Variants in NFIX observed in about 807,000 individuals in gnomAD.
NFIX encodes the protein nuclear factor 1 X-type.
A neutral mutation model predicts 53.3 loss-of-function variants in NFIX; 2 were observed. That is an observed-to-expected ratio of 0.04 (90% confidence interval 0.02 to 0.12). The LOEUF is 0.12. Ranked by LOEUF, NFIX falls within the 10% of genes least tolerant of loss-of-function variation. The pLI is 1.00. For synonymous variants in NFIX, 244 were observed against 289.0 expected (o/e 0.84, Z 1.58); for missense variants, 310 against 674.5 (o/e 0.46, Z 5.99).
intron 2 of NFIX, among the ~76,000 whole-genome samples, chr19:13,063,922 T>C (rs772108400): frequency 6.6e-6 from 1 of 152,104 alleles, no homozygotes; most frequent in Non-Finnish European, 1.5e-5. Context: ...GGGACACTAT[T>C]AATAGCCCTA....
intron 1 of NFIX, among the ~76,000 whole-genome samples, chr19:13,016,562 T>A (rs2012678949): frequency 6.6e-6 from 1 of 151,468 alleles, no homozygotes; most frequent in Non-Finnish European, 1.5e-5. Flanking sequence ...TCTGCACACT[T>A]ACATTTTTTG....
intron 2 of NFIX, chr19:13,071,128 C>A (rs1029623508): frequency 1.4e-4 from 22 of 152,238 alleles, no homozygotes; most frequent in African/African-American, 4.8e-4. Context: ...AGCAGAGAGA[C>A]CCCTGGGCAG....
In NFIX at chr19:13,014,821, G is replaced by A. The variant is rs148182549; in HGVS notation, c.28-10200G>A. ...ACGGCCTGGAGAGATGTGGGAGTTG[G>A]GGAAAGGACTTTTTATCAGGGCTGC... On this transcript the variant is annotated intron_variant, in intron 1 of 10. Coordinates refer to ENST00000592199, the MANE Select transcript of NFIX (RefSeq NM_001365902.3). The surrounding 1 kb of genome is among the most constrained non-coding windows in gnomAD (Gnocchi z 4.4). Among the ~76,000 whole-genome samples, 292 of 152,304 alleles carry A rather than the reference G, an allele frequency of 1.9e-3. No homozygotes were observed. The highest frequency in any genetic ancestry group is 6.8e-3 in the Middle Eastern group (2 of 294).
At chr19:13,048,401 C>T (rs2015123473) in intron 2 of NFIX, among the ~76,000 whole-genome samples, 1 of 152,210 alleles carries the variant, frequency 6.6e-6, no homozygotes, top group South Asian at 2.1e-4. Context: ...AGACTAACCA[C>T]AGGCCGGTGA....
rs190935429 is a variant in NFIX, at chr19:13,025,646, G to A, written c.559+94G>A. The A allele has an allele frequency of 1.4e-5, 20 of 1,428,236 alleles. No homozygotes were observed. The Admixed American group carries it at 1.5e-4, about 11-fold the overall frequency. The allele number at this position is 1,428,236 out of a possible 1,614,324, so 88.5% of individuals were successfully genotyped here. ...TCCTCTAATTTCCAAGCGATAACTC[G>A]CCATGGGCCTAACTGGTGTATGCCC... On this transcript the variant is annotated intron_variant, in intron 2 of 10. Transcript: ENST00000592199. This position sits in a 1 kb window ranked among gnomAD's most constrained non-coding sequence, Gnocchi z 7.5.
Position 13,097,238 on chromosome 19 carries a change from TTTTA to T in NFIX, c.*2593_*2596del, listed in dbSNP as rs1462732536. On this transcript the variant is annotated 3_prime_UTR_variant, in exon 11 of 11. Transcript: ENST00000592199. ...TGCGTTGACGAGGATGATCTGGGGTTTTTATTTGTTTCGTCGTTCGTTCTGTTTC... is the reference window on the plus strand; with the variant it reads ...TGCGTTGACGAGGATGATCTGGGGTTTTTGTTTCGTCGTTCGTTCTGTTTC... The T allele has an allele frequency of 1.3e-5, 2 of 151,018 alleles. No homozygotes were observed. Among genetic ancestry groups the T allele is most frequent in the Admixed American group, 6.6e-5 (1 of 15,198 alleles). 9.4% of individuals were successfully genotyped at this position (151,018 alleles called of 1,614,324 possible).
At chr19:13,056,886 G>A (rs573591239) in intron 2 of NFIX, among the ~76,000 whole-genome samples, 29 of 152,390 alleles carry the variant, frequency 1.9e-4, no homozygotes, top group African/African-American at 6.7e-4. Flanking sequence ...TTCAGGGGCT[G>A]TGGCCTTTGC....
At position 13,025,595 on chromosome 19, in the gene NFIX, T is replaced by A; in HGVS notation, c.559+43T>A. Reference sequence around the variant, plus strand: ...ATTTTTCCCTCTCATTTTATTTTCCTTGCTGGCATTTGTTCTGTTTATTGT... The same window carrying A: ...ATTTTTCCCTCTCATTTTATTTTCCATGCTGGCATTTGTTCTGTTTATTGT... On this transcript the variant is annotated intron_variant, in intron 2 of 10. Coordinates refer to ENST00000592199, the MANE Select transcript of NFIX (RefSeq NM_001365902.3). This position sits in a 1 kb window ranked among gnomAD's most constrained non-coding sequence, Gnocchi z 7.5. 6.3e-7 allele frequency: 1 copy of A among 1,580,042 alleles called. No individual in the cohort carries two copies. Among genetic ancestry groups the A allele is most frequent in the Non-Finnish European group, 8.6e-7 (1 of 1,164,588 alleles).
chr19:13,049,841 C>G lies in NFIX; in HGVS notation c.560-23206C>G, dbSNP rs2015220146. Among the ~76,000 whole-genome samples, 1 of 152,194 alleles carries G rather than the reference C, an allele frequency of 6.6e-6. No individual in the cohort carries two copies. Among genetic ancestry groups the G allele is most frequent in the Non-Finnish European group, 1.5e-5 (1 of 68,028 alleles). On this transcript the variant is annotated intron_variant, in intron 2 of 10. Transcript: ENST00000592199. The surrounding 1 kb of genome is among the most constrained non-coding windows in gnomAD (Gnocchi z 4.5). ...ACTCCTGATCTCGTGATCCGCTCAC[C>G]TCGGCCTCCCAAAGTGTTGGGATTA...
Position 12,996,969 on chromosome 19 carries a change from G to A in NFIX, c.27+1105G>A, listed in dbSNP as rs995988188. ...AGTGGCCCTGACAGCGTTGCCTGCA[G>A]GGCCAAGCCACAGCTGGTAACAGTC... is the stretch of plus-strand genomic sequence containing the variant. On this transcript the variant is annotated intron_variant, in intron 1 of 10. Transcript: ENST00000592199. The surrounding 1 kb of genome is among the most constrained non-coding windows in gnomAD (Gnocchi z 5.2). Among the ~76,000 whole-genome samples the A allele has an allele frequency of 6.6e-6, 1 of 152,266 alleles. No individual in the cohort carries two copies. Among genetic ancestry groups the A allele is most frequent in the Non-Finnish European group, 1.5e-5 (1 of 68,044 alleles).
At chr19:13,024,177 G>A in intron 1 of NFIX, 2 of 711,956 alleles carry the variant, frequency 2.8e-6, no homozygotes, top group Non-Finnish European at 4.6e-6. Flanking sequence ...TGACTGAGTG[G>A]GAAAAAGGGT....
rs758145369 is a variant in NFIX, at chr19:13,074,069, C to T, written c.818+43C>T. The T allele has an allele frequency of 1.7e-5, 28 of 1,612,124 alleles. No individual in the cohort carries two copies. The South Asian group carries it at 3.1e-4, about 18-fold the overall frequency. ...GCCTTTCCATCTTCTCTCCACTCCC[C>T]CCAGGGCCAGGGCCGTCCCAGTGGC... On this transcript the variant is annotated intron_variant, in intron 5 of 10. Transcript: ENST00000592199.
At chr19:13,017,993 C>T (rs868482651) in intron 1 of NFIX, among the ~76,000 whole-genome samples, 20 of 152,344 alleles carry the variant, frequency 1.3e-4, no homozygotes, top group African/African-American at 3.6e-4. Flanking sequence ...GTTTCATCCC[C>T]ATGCAGCCTG....
chr19:13,092,669 GT>G (rs2018213742), intron 10 of NFIX, among the ~76,000 whole-genome samples: 1 of 152,250 alleles, frequency 6.6e-6, no homozygotes, highest in Non-Finnish European at 1.5e-5. Flanking sequence ...ATGGCACAGG[GT>G]TCCTGTATAG....
In NFIX at chr19:12,996,532, G is replaced by A. The variant is rs2011473034; in HGVS notation, c.27+668G>A. 1.3e-5 allele frequency among the ~76,000 whole-genome samples: 2 copies of A among 152,248 alleles called. No homozygotes were observed. The highest frequency in any genetic ancestry group is 1.9e-4 in the East Asian group (1 of 5,160). On this transcript the variant is annotated intron_variant, in intron 1 of 10. Coordinates refer to ENST00000592199, the MANE Select transcript of NFIX (RefSeq NM_001365902.3). The surrounding 1 kb of genome is among the most constrained non-coding windows in gnomAD (Gnocchi z 5.2). ...TTCGGAGGGGCAGGGGAGGGGAGAGGGGGGCGGGCGCGCTGCCAGCGGTGG... is the reference window on the plus strand; with the variant it reads ...TTCGGAGGGGCAGGGGAGGGGAGAGAGGGGCGGGCGCGCTGCCAGCGGTGG...
chr19:13,033,522 G>C (rs1356027797), intron 2 of NFIX, among the ~76,000 whole-genome samples: 3 of 152,138 alleles, frequency 2.0e-5, no homozygotes, highest in Non-Finnish European at 4.4e-5. Flanking sequence ...CCAGTACAGG[G>C]TACTTATTAG....
At position 13,078,992 on chromosome 19, in the gene NFIX, G is replaced by T. The variant is rs2017293156; in HGVS notation, c.1078+257G>T. Among the ~76,000 whole-genome samples, 1 of 152,190 alleles carries T rather than the reference G, an allele frequency of 6.6e-6. No homozygotes were observed. The highest frequency in any genetic ancestry group is 6.5e-5 in the Admixed American group (1 of 15,290). ...CACTTCTCACTCCTCACGTGCATGG[G>T]TGCTACATACAACACAAGCCTGTCC... is the stretch of plus-strand genomic sequence containing the variant. On this transcript the variant is annotated intron_variant, in intron 7 of 10. Coordinates refer to ENST00000592199, the MANE Select transcript of NFIX (RefSeq NM_001365902.3). The surrounding 1 kb of genome is among the most constrained non-coding windows in gnomAD (Gnocchi z 4.7).
At position 13,078,194 on chromosome 19, in the gene NFIX, C is replaced by G. The variant is rs1421973548; in HGVS notation, c.956-419C>G. 6.6e-6 allele frequency among the ~76,000 whole-genome samples: 1 copy of G among 152,212 alleles called. No individual in the cohort carries two copies. Among genetic ancestry groups the G allele is most frequent in the Non-Finnish European group, 1.5e-5 (1 of 68,024 alleles). On this transcript the variant is annotated intron_variant, in intron 6 of 10. Transcript: ENST00000592199. This position sits in a 1 kb window ranked among gnomAD's most constrained non-coding sequence, Gnocchi z 4.7. ...CCGGGCACCATGGCATAGACCCCAG[C>G]CTGTCCCTCCCAAACTTACCCCTTC...
chr19:13,039,226 C>CA lies in NFIX; in HGVS notation c.559+13674_559+13675insA, dbSNP rs1270901632. Among the ~76,000 whole-genome samples, 47 of 143,382 alleles carry CA rather than the reference C, an allele frequency of 3.3e-4. 1 individual carries two copies. Among genetic ancestry groups the CA allele is most frequent in the African/African-American group, 1.3e-3 (45 of 34,562 alleles). 94.1% of individuals were successfully genotyped at this position (143,382 alleles called of 152,430 possible). ...CATTTCTTTTAAATTAAACACCCCC[C>CA]CCCACACACACACATACACGTGTGT... On this transcript the variant is annotated intron_variant, in intron 2 of 10. Transcript: ENST00000592199.
Sources: gnomAD v4.1 joint callset for allele counts (sites outside exome capture counted in the v4.1 genomes callset) on GRCh38, gnomAD v4.1.1 for gene constraint, Gnocchi (gnomAD v3.1) non-coding constraint, MANE v1.5 for transcripts, NCBI Gene and HGNC (gene_info 2026-07-23, HGNC 2026-07-21) for gene names.